The following TAF1A variants were observed in gnomAD, a reference collection of about 807,000 sequenced individuals.
TAF1A encodes TATA box-binding protein-associated factor RNA polymerase I subunit A.
In TAF1A, 42 loss-of-function variants were observed where a neutral mutation model predicts 61.6. The ratio of observed to expected loss-of-function variants is 0.68; its 90% CI spans 0.53 to 0.88. The LOEUF is 0.88. Ranked by LOEUF, TAF1A falls within the 40% of genes least tolerant of loss-of-function variation. The pLI is 0.00. For synonymous variants in TAF1A, 179 were observed against 177.7 expected (o/e 1.01, Z -0.06); for missense variants, 424 against 518.7 (o/e 0.82, Z 1.77).
Position 222,569,526 on chromosome 1 carries a change from A to G in TAF1A, c.878T>C (p.Leu293Ser), listed in dbSNP as rs1173311691. ...LKRQKAPRSK[L>S]ISVLKILYQI... ...ATTCTATACCTTAAGCACACTTATC[A>G]ATTTTGATCTTGGTGCCTTCTGTCT... The change falls in exon 7 of 11, where the codon TTG becomes TCG. Residue 293 changes from leucine (L) to serine (S), a missense_variant. Physicochemically the swap from Leu to Ser is moderately radical, Grantham distance 145. Coordinates refer to ENST00000352967, the MANE Select transcript of TAF1A (RefSeq NM_005681.4). 6.2e-7 allele frequency: 1 copy of G among 1,613,836 alleles called. No homozygotes were observed. The highest frequency in any genetic ancestry group is 8.5e-7 in the Non-Finnish European group (1 of 1,179,932).
chr1:222,585,874 C>T (rs73122857), intron 2 of TAF1A, among the ~76,000 whole-genome samples: 19,953 of 152,078 alleles, frequency 0.13, 1,441 homozygotes, highest in Middle Eastern at 0.2. Context: ...GCTATTTGGA[C>T]TCCATCACAT....
intron 3 of TAF1A, among the ~76,000 whole-genome samples, chr1:222,581,419 A>G (rs1026531832): frequency 3.9e-5 from 6 of 152,078 alleles, no homozygotes; most frequent in Admixed American, 3.9e-4. Context: ...TGACTGTGTT[A>G]GTAAAACCTA....
intron 10 of TAF1A, among the ~76,000 whole-genome samples, chr1:222,560,487 T>A (rs115729456): frequency 9.7e-4 from 147 of 152,324 alleles, no homozygotes; most frequent in African/African-American, 3.5e-3. Context: ...CAGATCTTCC[T>A]ACTCTGCTCA....
intron 5 of TAF1A, among the ~76,000 whole-genome samples, chr1:222,576,252 G>A (rs1234688822): frequency 3.3e-5 from 5 of 152,222 alleles, no homozygotes; most frequent in East Asian, 1.9e-4. Context: ...ACTCTACAAA[G>A]GCCTCACAAG....
intron 7 of TAF1A, among the ~76,000 whole-genome samples, chr1:222,568,020 A>G (rs1267723514): frequency 6.6e-6 from 1 of 152,158 alleles, no homozygotes. Context: ...CTGGTTTTCA[A>G]CAAAGTTCCA....
intron 5 of TAF1A, among the ~76,000 whole-genome samples, chr1:222,574,315 C>G (rs1305336162): frequency 6.6e-6 from 1 of 151,870 alleles, no homozygotes; most frequent in Non-Finnish European, 1.5e-5. Context: ...ATCACTACAC[C>G]CAACAAATTG....
chr1:222,575,814 C>T (rs777926117), intron 5 of TAF1A, among the ~76,000 whole-genome samples: 2 of 152,254 alleles, frequency 1.3e-5, no homozygotes, highest in South Asian at 2.1e-4. Flanking sequence ...CTGTCAGCTA[C>T]GGAAAGGTAC....
At chr1:222,560,407 A>G (rs1340405488) in intron 10 of TAF1A, among the ~76,000 whole-genome samples, 1 of 152,220 alleles carries the variant, frequency 6.6e-6, no homozygotes, top group African/African-American at 2.4e-5. Flanking sequence ...CCCACTTCAT[A>G]GAAAAGGCTC....
At chr1:222,563,969 G>A in intron 8 of TAF1A, 90 bp downstream of exon 8, 1 of 758,648 alleles carries the variant, frequency 1.3e-6, no homozygotes, top group Non-Finnish European at 2.3e-6. Context: ...ATCAGGAAAG[G>A]GGTGGATTTA....
At chr1:222,562,342 A>G (rs948617580) in intron 9 of TAF1A, among the ~76,000 whole-genome samples, 2 of 152,192 alleles carry the variant, frequency 1.3e-5, no homozygotes, top group Non-Finnish European at 2.9e-5. Context: ...TGTGCCCCCT[A>G]TGGTAGAACA....
At chr1:222,586,374 C>A (rs1489728849) in intron 2 of TAF1A, among the ~76,000 whole-genome samples, 1 of 152,196 alleles carries the variant, frequency 6.6e-6, no homozygotes, top group Non-Finnish European at 1.5e-5. Flanking sequence ...CAAGCTTTCA[C>A]AACTGAGATT....
chr1:222,589,448 G>A (rs921744770), intron 1 of TAF1A, among the ~76,000 whole-genome samples: 1 of 152,188 alleles, frequency 6.6e-6, no homozygotes, highest in African/African-American at 2.4e-5. Context: ...CATGTGGCTA[G>A]GAGTATGAAT....
At chr1:222,576,292 T>C (rs1313230679) in intron 5 of TAF1A, among the ~76,000 whole-genome samples, 3 of 152,058 alleles carry the variant, frequency 2.0e-5, no homozygotes, top group Non-Finnish European at 2.9e-5. Flanking sequence ...CATTTCAGAG[T>C]ATCTTGAAAG....
At chr1:222,580,105 CATT>C (rs1293404092) in intron 3 of TAF1A, among the ~76,000 whole-genome samples, 2 of 152,064 alleles carry the variant, frequency 1.3e-5, no homozygotes, top group African/African-American at 4.8e-5. Context: ...ATAATAGCAT[CATT>C]ATTAATTTAG....
chr1:222,562,064 T>C (rs905301195), intron 9 of TAF1A, among the ~76,000 whole-genome samples: 3 of 152,212 alleles, frequency 2.0e-5, no homozygotes, highest in Non-Finnish European at 4.4e-5. Context: ...ACTATCCAAA[T>C]GGAGATACCA....
chr1:222,565,156 A>G (rs2102642669), intron 7 of TAF1A, among the ~76,000 whole-genome samples: 1 of 152,352 alleles, frequency 6.6e-6, no homozygotes, highest in South Asian at 2.1e-4. Flanking sequence ...TGAGCCCTTC[A>G]AATGCCAGTG....
intron 7 of TAF1A, among the ~76,000 whole-genome samples, chr1:222,566,841 A>T (rs76598739): frequency 0.077 from 11,720 of 152,272 alleles, 1,110 homozygotes; most frequent in East Asian, 0.31. Flanking sequence ...CAGGATGTGG[A>T]ATTGTTGGTA....
At chr1:222,571,362 T>C (rs1660342988) in intron 5 of TAF1A, among the ~76,000 whole-genome samples, 1 of 152,154 alleles carries the variant, frequency 6.6e-6, no homozygotes. Flanking sequence ...TTGTTCATTA[T>C]ATTGGTGGTT....
At chr1:222,563,132 T>C (rs375644930) in intron 9 of TAF1A, 41 bp downstream of exon 9, 1 of 1,504,956 alleles carries the variant, frequency 6.6e-7, no homozygotes, top group Non-Finnish European at 9.0e-7. Context: ...TGGGAAATAT[T>C]ATTTATGATG....
Sources: gnomAD v4.1 joint callset for allele counts (sites outside exome capture counted in the v4.1 genomes callset) on GRCh38, gnomAD v4.1.1 for gene constraint, MANE v1.5 for transcripts, NCBI Gene and HGNC (gene_info 2026-07-23, HGNC 2026-07-21) for gene names.